SHPRH: variants seen among roughly 807,000 people sequenced by gnomAD.
SHPRH encodes the protein E3 ubiquitin-protein ligase SHPRH.
Under a neutral mutation model 202.5 loss-of-function variants are expected in SHPRH, and 106 were observed. That is an observed-to-expected ratio of 0.52 (90% CI 0.45 to 0.62). SHPRH has a LOEUF of 0.62. SHPRH is among the 20% of genes least tolerant of loss of function. SHPRH has a pLI of 0.00. For synonymous variants in SHPRH, 729 were observed against 686.0 expected, an observed-to-expected ratio of 1.06 and a Z score of -0.98; for missense variants, 1,710 against 2,020.0, an observed-to-expected ratio of 0.85 and a Z score of 2.94.
rs1196713424 is a variant in SHPRH at position 145,926,227 on chromosome 6, G to A, written c.3271C>T (p.Arg1091Cys). 3 of 1,612,774 alleles carry A rather than the reference G, an allele frequency of 1.9e-6. No individual in the cohort carries two copies. The highest frequency in any genetic ancestry group is 4.5e-5 in the East Asian group (2 of 44,822). The change falls in exon 16 of 30, where the codon CGT (arginine) becomes TGT (cysteine). Residue 1091 changes from arginine (R) to cysteine (C), a missense_variant. Coordinates refer to ENST00000275233, the MANE Select transcript of SHPRH (RefSeq NM_001042683.3). ...ARHPGIPPTL[R>C]DGRLEEEAKQ... ...ACCTCTTCCTCAAGTCGGCCATCACGCAAGGTAGGTGGTATCCCTGGGTGC... is the reference window on the plus strand; with the variant it reads ...ACCTCTTCCTCAAGTCGGCCATCACACAAGGTAGGTGGTATCCCTGGGTGC...
At chr6:145,946,953 T>C (rs754718386) in intron 6 of SHPRH, among the ~76,000 whole-genome samples, 2 of 152,004 alleles carry the variant, frequency 1.3e-5, no homozygotes, top group African/African-American at 4.8e-5. Context: ...AGCTATATAC[T>C]ATATTTGCCT....
chr6:145,879,739 C>T (rs1247972086), intron 2 of SHPRH, among the ~76,000 whole-genome samples: 4 of 151,770 alleles, frequency 2.6e-5, no homozygotes, highest in Admixed American at 6.6e-5. Flanking sequence ...GGTGAAACCC[C>T]GTGTTTACTA....
chr6:145,911,543 A>G (rs1213607024), intron 24 of SHPRH, among the ~76,000 whole-genome samples: 1 of 152,188 alleles, frequency 6.6e-6, no homozygotes, highest in East Asian at 1.9e-4. Flanking sequence ...CGTAAGAACA[A>G]TAGATTTAGT....
downstream of SHPRH, among the ~76,000 whole-genome samples, chr6:145,879,893 C>T (rs1220719046): frequency 2.7e-5 from 3 of 109,542 alleles, no homozygotes; most frequent in Non-Finnish European, 5.1e-5. Flanking sequence ...GCCTGGGTAA[C>T]GAGTGAAACT....
intron 25 of SHPRH, among the ~76,000 whole-genome samples, chr6:145,897,130 T>TA (rs1782079772): frequency 6.6e-6 from 1 of 151,480 alleles, no homozygotes; most frequent in Admixed American, 6.6e-5. Context: ...TTTGAAAACA[T>TA]AAACACAATG....
the SHPRH span, among the ~76,000 whole-genome samples, chr6:145,857,873 A>G: frequency 6.6e-6 from 1 of 152,150 alleles, no homozygotes; most frequent in South Asian, 2.1e-4. Flanking sequence ...ACTCAACCAT[A>G]AGAAATCAAT....
At chr6:145,936,978 C>CTTCTTTTTT (rs1390044172) in intron 11 of SHPRH, among the ~76,000 whole-genome samples, 1 of 125,662 alleles carries the variant, frequency 8.0e-6, no homozygotes, top group East Asian at 2.3e-4. Context: ...CATGCTTCAT[C>CTTCTTTTTT]TTTTTTTTTT....
At chr6:145,869,045 C>T (rs921643122) in intron 2 of SHPRH, among the ~76,000 whole-genome samples, 4 of 152,062 alleles carry the variant, frequency 2.6e-5, no homozygotes, top group African/African-American at 7.2e-5. Context: ...TCCTCACCAG[C>T]GTTTATTATT....
At chr6:145,950,170 A>G in intron 4 of SHPRH, 94 bp downstream of exon 4, 1 of 954,376 alleles carries the variant, frequency 1.0e-6, no homozygotes, top group East Asian at 2.5e-5. Context: ...TATTTTCAGG[A>G]TGTTTATTTT....
At chr6:145,893,136 A>T (rs1781712935) in intron 28 of SHPRH, 79 bp downstream of exon 28, 1 of 1,270,290 alleles carries the variant, frequency 7.9e-7, no homozygotes, top group African/African-American at 1.5e-5. Flanking sequence ...TATGATGAAC[A>T]TAAATGAAGA....
chr6:145,887,598 C>T (rs992763255), intron 29 of SHPRH, among the ~76,000 whole-genome samples: 19 of 147,436 alleles, frequency 1.3e-4, no homozygotes, highest in Non-Finnish European at 1.0e-4. Context: ...TGCAGTGGCA[C>T]GATCTTGGCT....
chr6:145,888,300 A>G (rs1781272765), intron 28 of SHPRH, among the ~76,000 whole-genome samples, 200 bp from the exon 29 acceptor site: 1 of 152,154 alleles, frequency 6.6e-6, no homozygotes, highest in East Asian at 1.9e-4. Flanking sequence ...CAATAAACAC[A>G]TAAAAGAGTA....
At chr6:145,959,125 G>A (rs755849704) in intron 1 of SHPRH, among the ~76,000 whole-genome samples, 5 of 152,024 alleles carry the variant, frequency 3.3e-5, no homozygotes, top group Non-Finnish European at 7.4e-5. Context: ...GTGAGCCACC[G>A]CGCCTAGCCG....
At chr6:145,957,371 A>C (rs933095845) in intron 1 of SHPRH, among the ~76,000 whole-genome samples, 1 of 152,174 alleles carries the variant, frequency 6.6e-6, no homozygotes, top group Admixed American at 6.5e-5. Context: ...AGTTTCATCA[A>C]AATTAAATAT....
intron 6 of SHPRH, 112 bp downstream of exon 6, chr6:145,947,381 C>T: frequency 1.6e-6 from 2 of 1,227,564 alleles, no homozygotes; most frequent in South Asian, 3.3e-5. Context: ...TAAATCATTA[C>T]CCACAGAGTG....
intron 25 of SHPRH, 54 bp from the exon 26 acceptor site, chr6:145,895,031 A>C (rs1781892579): frequency 6.6e-7 from 1 of 1,507,882 alleles, no homozygotes; most frequent in Admixed American, 1.9e-5. Flanking sequence ...AGTTAAGAAC[A>C]GAATAGAAAA....
intron 28 of SHPRH, among the ~76,000 whole-genome samples, chr6:145,891,672 T>C (rs1781576800): frequency 1.3e-5 from 2 of 152,156 alleles, no homozygotes; most frequent in Admixed American, 6.5e-5. Flanking sequence ...GATGAGGTAC[T>C]TCTAATCTGA....
chr6:145,886,648 G>T lies in SHPRH; in HGVS notation c.*43C>A. 6.2e-7 allele frequency: 1 copy of T among 1,602,668 alleles called. No homozygotes were observed. Among genetic ancestry groups the T allele is most frequent in the Non-Finnish European group, 8.5e-7 (1 of 1,175,846 alleles). On this transcript the variant is annotated 3_prime_UTR_variant, in exon 30 of 30. Transcript: ENST00000275233. ...GTAACTTTGCTCTACAGCTATGAAAGTTTATTAATACACTAAAGTCCATGG... is the reference window on the plus strand; with the variant it reads ...GTAACTTTGCTCTACAGCTATGAAATTTTATTAATACACTAAAGTCCATGG...
downstream of SHPRH, among the ~76,000 whole-genome samples, chr6:145,881,835 G>A (rs1287632018): frequency 1.3e-5 from 2 of 152,186 alleles, no homozygotes; most frequent in Non-Finnish European, 2.9e-5. Flanking sequence ...AGAATTAAAA[G>A]GTGGTTTACT....
Sources: gnomAD v4.1 joint callset for allele counts (sites outside exome capture counted in the v4.1 genomes callset) on GRCh38, gnomAD v4.1.1 for gene constraint, MANE v1.5 for transcripts, NCBI Gene and HGNC (gene_info 2026-07-23, HGNC 2026-07-21) for gene names.